ZNF536: variants seen among roughly 807,000 people sequenced by gnomAD.
The protein encoded by ZNF536 is zinc finger protein 536.
Under a neutral mutation model 84.5 loss-of-function variants are expected in ZNF536, and 13 were observed. The ratio of observed to expected loss-of-function variants is 0.15; its 90% confidence interval spans 0.10 to 0.24. ZNF536 has a LOEUF of 0.24. Ranked by LOEUF, ZNF536 falls within the 10% of genes least tolerant of loss-of-function variation. The pLI, the probability that ZNF536 is intolerant of heterozygous loss-of-function variation, is 1.00. For missense variants in ZNF536, 1,536 were observed against 1,747.5 expected, an observed-to-expected ratio of 0.88 and a Z score of 2.16; for synonymous variants, 811 against 742.5, an observed-to-expected ratio of 1.09 and a Z score of -1.50.
In ZNF536 at chr19:30,548,933, G is replaced by T. The variant is rs765268120; in HGVS notation, c.3314G>T (p.Cys1105Phe). 1 of 1,614,132 alleles carries T rather than the reference G, an allele frequency of 6.2e-7. No individual in the cohort carries two copies. The highest frequency in any genetic ancestry group is 1.1e-5 in the South Asian group (1 of 91,078). ...ACCGGCCACGTGGACCCTGCATTTTGTAACTTCCCATCAGACTTCTACAAG... is the reference window on the plus strand; with the variant it reads ...ACCGGCCACGTGGACCCTGCATTTTTTAACTTCCCATCAGACTTCTACAAG... ...AWTGHVDPAF[C>F]NFPSDFYKQF... is the part of the protein sequence containing the mutation. The change falls in exon 4 of 5, where the codon TGT becomes TTT. Residue 1105 changes from cysteine (C) to phenylalanine (F), a missense_variant. Physicochemically the swap from Cys to Phe is radical, Grantham distance 205. This residue lies in a region of ZNF536 where 624 missense variants were observed against 603.1 expected (regional missense o/e 1.03). Transcript: ENST00000355537.
At chr19:30,420,137 A>C (rs1018238618) in intron 1 of ZNF536, among the ~76,000 whole-genome samples, 1 of 152,210 alleles carries the variant, frequency 6.6e-6, no homozygotes, top group Non-Finnish European at 1.5e-5. Context: ...TGAGAACAGA[A>C]TCTGGCTTAA....
At chr19:30,630,257 A>G (rs2048840739) in intron 1 of ZNF536, among the ~76,000 whole-genome samples, 1 of 152,232 alleles carries the variant, frequency 6.6e-6, no homozygotes, top group Non-Finnish European at 1.5e-5. Flanking sequence ...TGAGCAACTC[A>G]TATATCTCAG....
intron 1 of ZNF536, among the ~76,000 whole-genome samples, chr19:30,379,065 C>G (rs976171982): frequency 6.6e-6 from 1 of 152,108 alleles, no homozygotes; most frequent in African/African-American, 2.4e-5. Flanking sequence ...ACACATGTGC[C>G]GTCACCTTGA....
At chr19:30,442,226 C>T (rs1017960981) in intron 1 of ZNF536, among the ~76,000 whole-genome samples, 21 of 152,234 alleles carry the variant, frequency 1.4e-4, no homozygotes, top group Non-Finnish European at 2.6e-4. Context: ...GAGCTCCCCA[C>T]GTGCTCCAAT....
chr19:30,281,187 T>A (rs140045362), intron 1 of ZNF536, among the ~76,000 whole-genome samples: 207 of 152,258 alleles, frequency 1.4e-3, no homozygotes, highest in African/African-American at 4.9e-3. Flanking sequence ...CAGAGAGGCC[T>A]TGGAAGTACC....
At chr19:30,433,037 C>T (rs898060281) in intron 1 of ZNF536, among the ~76,000 whole-genome samples, 3 of 152,216 alleles carry the variant, frequency 2.0e-5, no homozygotes, top group African/African-American at 7.2e-5. Context: ...GAACTCCATT[C>T]TGCTCAGATT....
chr19:30,410,768 G>A (rs977282489), intron 1 of ZNF536, among the ~76,000 whole-genome samples: 2 of 151,772 alleles, frequency 1.3e-5, no homozygotes, highest in African/African-American at 4.9e-5. Flanking sequence ...GTGAGCCACC[G>A]CGCCCGGCCA....
intron 2 of ZNF536, among the ~76,000 whole-genome samples, chr19:30,486,497 A>G (rs548949426): frequency 6.6e-6 from 1 of 152,156 alleles, no homozygotes; most frequent in Non-Finnish European, 1.5e-5. Context: ...TATCCAGTCT[A>G]TCATTGATGG....
intron 3 of ZNF536, among the ~76,000 whole-genome samples, chr19:30,354,708 CTT>C (rs1233658785): frequency 1.3e-5 from 2 of 152,170 alleles, no homozygotes; most frequent in African/African-American, 4.8e-5. Flanking sequence ...AGGATTGAGA[CTT>C]TGTATCCAAA....
At chr19:30,493,183 A>AT (rs532074238) in intron 2 of ZNF536, among the ~76,000 whole-genome samples, 40 of 128,500 alleles carry the variant, frequency 3.1e-4, no homozygotes, top group Non-Finnish European at 6.2e-4. Flanking sequence ...GTACTAAAAT[A>AT]TTTTTTTTTC....
intron 1 of ZNF536, among the ~76,000 whole-genome samples, chr19:30,432,006 T>TATACAC (rs149223384): frequency 1.4e-5 from 2 of 146,080 alleles, no homozygotes; most frequent in East Asian, 2.5e-4. Context: ...TATATATATA[T>TATACAC]ACACACACAC....
chr19:30,679,401 ACAAGGTG>A (rs1204737982), intron 1 of ZNF536, among the ~76,000 whole-genome samples: 2 of 152,200 alleles, frequency 1.3e-5, no homozygotes, highest in Non-Finnish European at 2.9e-5. Context: ...TGCAGCAGAA[ACAAGGTG>A]GCTGGGGGTG....
intron 2 of ZNF536, among the ~76,000 whole-genome samples, chr19:30,466,928 C>T (rs1283115511): frequency 6.6e-6 from 1 of 152,118 alleles, no homozygotes; most frequent in African/African-American, 2.4e-5. Context: ...GCAAACTCTG[C>T]CTTCTGGTTT....
chr19:30,479,716 C>G (rs1486425560), intron 2 of ZNF536, among the ~76,000 whole-genome samples: 1 of 152,210 alleles, frequency 6.6e-6, no homozygotes, highest in African/African-American at 2.4e-5. Context: ...CACGAGGCAG[C>G]CTCGGGACAT....
chr19:30,613,578 A>G (rs2048176884), intron 1 of ZNF536, among the ~76,000 whole-genome samples: 1 of 152,214 alleles, frequency 6.6e-6, no homozygotes, highest in Non-Finnish European at 1.5e-5. Flanking sequence ...AATTGGGAGC[A>G]TCTTCTTCAA....
intron 2 of ZNF536, among the ~76,000 whole-genome samples, chr19:30,497,660 C>T (rs1000550285): frequency 6.6e-6 from 1 of 152,178 alleles, no homozygotes; most frequent in African/African-American, 2.4e-5. Context: ...AGGGAAGTCC[C>T]CGGATCCTGA....
intron 1 of ZNF536, among the ~76,000 whole-genome samples, chr19:30,425,124 T>A (rs570867083): frequency 4.6e-5 from 7 of 151,198 alleles, no homozygotes; most frequent in Non-Finnish European, 1.0e-4. Flanking sequence ...GATAAAAGAG[T>A]ACACATTGGG....
chr19:30,324,676 G>A (rs2146294214), intron 2 of ZNF536, among the ~76,000 whole-genome samples: 1 of 152,338 alleles, frequency 6.6e-6, no homozygotes. Flanking sequence ...ACAGGCATGA[G>A]CCACTCCGTC....
intron 1 of ZNF536, among the ~76,000 whole-genome samples, chr19:30,634,546 C>T (rs550396973): frequency 4.6e-5 from 7 of 152,108 alleles, no homozygotes; most frequent in Admixed American, 3.9e-4. Flanking sequence ...TACCCCTGGT[C>T]GGAGCAGTCC....
Sources: allele counts gnomAD v4.1 joint callset (sites outside exome capture counted in the v4.1 genomes callset), GRCh38; gene constraint gnomAD v4.1.1; regional missense constraint gnomAD v4.1.1; transcripts MANE v1.5; gene names NCBI Gene and HGNC (gene_info 2026-07-23, HGNC 2026-07-21).